TP53I11: variants seen among roughly 807,000 people sequenced by gnomAD.
The protein encoded by TP53I11 is tumor protein p53-inducible protein 11.
A neutral mutation model predicts 23.3 loss-of-function variants in TP53I11; 9 were observed. That is an observed-to-expected ratio of 0.39 (90% CI 0.23 to 0.67). TP53I11 has a LOEUF of 0.67. Among genes scored for constraint, TP53I11 ranks in the 30% least tolerant of loss-of-function variants. The pLI, the probability that TP53I11 is intolerant of heterozygous loss-of-function variation, is 0.48. For missense variants in TP53I11, 170 were observed against 255.2 expected (o/e 0.67, Z 2.27); for synonymous variants, 100 against 106.1 (o/e 0.94, Z 0.35).
In TP53I11 at chr11:44,936,457, A is replaced by T. The variant is rs1051678080; in HGVS notation, c.334+346T>A. On this transcript the variant is annotated intron_variant, in intron 5 of 6. Transcript: ENST00000525680. The surrounding 1 kb of genome is among the most constrained non-coding windows in gnomAD (Gnocchi z 4.4). Reference sequence around the variant, plus strand: ...AGGGGGGGTGCGAGGGGTTTTGCAGACACTGAATTGATCTGCCTCTCCTCT... The same window carrying T: ...AGGGGGGGTGCGAGGGGTTTTGCAGTCACTGAATTGATCTGCCTCTCCTCT... 2.7e-5 allele frequency: 33 copies of T among 1,234,064 alleles called. No individual in the cohort carries two copies. Among genetic ancestry groups the T allele is most frequent in the Non-Finnish European group, 3.1e-5 (31 of 989,824 alleles). The allele number at this position is 1,234,064 out of a possible 1,614,324, so 76.4% of individuals were successfully genotyped here.
At position 44,937,364 on chromosome 11, in the gene TP53I11, G is replaced by A; in HGVS notation, c.189-12C>T. 8 of 1,473,684 alleles carry A rather than the reference G, an allele frequency of 5.4e-6. No individual in the cohort carries two copies. Among genetic ancestry groups the A allele is most frequent in the Non-Finnish European group, 6.3e-6 (7 of 1,110,498 alleles). The allele number at this position is 1,473,684 out of a possible 1,614,324, so 91.3% of individuals were successfully genotyped here. A position where few individuals can be genotyped will look rare whatever the true frequency, so the allele number is the denominator to read the frequency against. Reference sequence around the variant, plus strand: ...CGAACTGCCAGACCCTGGGAGGCGTGGAAAGAAGATCACAGCCCTGCCCCA... The same window carrying A: ...CGAACTGCCAGACCCTGGGAGGCGTAGAAAGAAGATCACAGCCCTGCCCCA... On this transcript the variant is annotated splice_polypyrimidine_tract_variant and intron_variant, in intron 3 of 6. Coordinates refer to ENST00000525680, the MANE Select transcript of TP53I11 (RefSeq NM_006034.5).
intron 1 of TP53I11, among the ~76,000 whole-genome samples, chr11:44,942,179 AACAC>A (rs766008087): frequency 1.4e-4 from 13 of 91,982 alleles, no homozygotes; most frequent in Non-Finnish European, 2.0e-4. Flanking sequence ...GCACACACAA[AACAC>A]ACACACACCA....
intron 1 of TP53I11, among the ~76,000 whole-genome samples, chr11:44,949,433 G>A (rs1296499625): frequency 4.6e-5 from 7 of 152,170 alleles, no homozygotes; most frequent in African/African-American, 1.7e-4. Context: ...GCAGGGTAGT[G>A]GGGCGGTGAG....
chr11:44,940,718 G>A (rs1047126781), intron 1 of TP53I11: 1 of 152,156 alleles, frequency 6.6e-6, no homozygotes, highest in Admixed American at 6.5e-5. Context: ...ACAAACCCGC[G>A]TTTCTGTGGG....
chr11:44,940,220 C>T (rs1861617288), intron 1 of TP53I11, among the ~76,000 whole-genome samples: 1 of 152,260 alleles, frequency 6.6e-6, no homozygotes, highest in South Asian at 2.1e-4. Context: ...AGGATGTTGC[C>T]TGGCCCACGC....
chr11:44,942,240 C>CACACACACCCACACACT (rs1861913519), intron 1 of TP53I11, among the ~76,000 whole-genome samples: 1 of 119,946 alleles, frequency 8.3e-6, no homozygotes, highest in African/African-American at 3.1e-5. Flanking sequence ...TACCACACAC[C>CACACACACCCACACACT]ACACACACCC....
At chr11:44,939,007 C>G (rs1279480014) in intron 1 of TP53I11, 1 of 152,454 alleles carries the variant, frequency 6.6e-6, no homozygotes, top group Non-Finnish European at 1.5e-5. Context: ...TCCCGGCCAT[C>G]AGCCCCCCAC....
rs112430348 is a variant in TP53I11 at position 44,936,727 on chromosome 11, C to T, written c.334+76G>A. 3.3e-4 allele frequency: 463 copies of T among 1,390,192 alleles called. 2 individuals carry two copies. In the African/African-American group the frequency reaches 6.2e-3, roughly 19 times the overall value. 86.1% of individuals were successfully genotyped at this position (1,390,192 alleles called of 1,614,324 possible). A position where few individuals can be genotyped will look rare whatever the true frequency, so the allele number is the denominator to read the frequency against. ...AGGAAGGGGTGCCCGGGCACGGACC[C>T]CCGTGCTCTCCTCAGCCCCGCTGGG... On this transcript the variant is annotated intron_variant, in intron 5 of 6. Transcript: ENST00000525680. This position sits in a 1 kb window ranked among gnomAD's most constrained non-coding sequence, Gnocchi z 4.4.
chr11:44,942,763 G>A (rs1304164603), intron 1 of TP53I11, among the ~76,000 whole-genome samples: 10 of 152,104 alleles, frequency 6.6e-5, no homozygotes, highest in African/African-American at 1.4e-4. Context: ...CTCCAGGGAG[G>A]AGGGCCCCAC....
At position 44,935,558 on chromosome 11, in the gene TP53I11, C is replaced by T; in HGVS notation, c.436+3G>A. The T allele has an allele frequency of 6.2e-7, 1 of 1,613,974 alleles. No homozygotes were observed. The highest frequency in any genetic ancestry group is 8.5e-7 in the Non-Finnish European group (1 of 1,179,904). On this transcript the variant is annotated splice_donor_region_variant and intron_variant, in intron 6 of 6. Coordinates refer to ENST00000525680, the MANE Select transcript of TP53I11 (RefSeq NM_006034.5). ...CTCCCTCACTGCCCACCTCAGGACT[C>T]ACCCAAGAACTGGACCCCGAAATAG...
In TP53I11 at chr11:44,945,389, C is replaced by A. The variant is rs77369087; in HGVS notation, c.-32+5288G>T. ...GGCTCATGTGACTTATTCGAGTGTC[C>A]CTTGAGGTAAGTGGCAGAGCTGGAA... On this transcript the variant is annotated intron_variant, in intron 1 of 6. Coordinates refer to ENST00000525680, the MANE Select transcript of TP53I11 (RefSeq NM_006034.5). 7.7e-3 allele frequency among the ~76,000 whole-genome samples: 1,165 copies of A among 152,266 alleles called. 16 individuals carry two copies. The highest frequency in any genetic ancestry group is 0.027 in the African/African-American group (1,106 of 41,530).
chr11:44,937,241 G>C lies in TP53I11; in HGVS notation c.237+63C>G, dbSNP rs545826498. The C allele has an allele frequency of 3.4e-5, 52 of 1,526,524 alleles. No individual in the cohort carries two copies. In the East Asian group the frequency reaches 1.3e-3, roughly 37 times the overall value. 94.6% of individuals were successfully genotyped at this position (1,526,524 alleles called of 1,614,324 possible). A position where few individuals can be genotyped will look rare whatever the true frequency, so the allele number is the denominator to read the frequency against. ...AGGATGGAGGAGGCACCTCTGGTGA[G>C]CCAGAGAAGGGCTGAGGGAGCCACA... is the stretch of plus-strand genomic sequence containing the variant. On this transcript the variant is annotated intron_variant, in intron 4 of 6. Coordinates refer to ENST00000525680, the MANE Select transcript of TP53I11 (RefSeq NM_006034.5).
rs572650000 is a variant in TP53I11 at position 44,938,565 on chromosome 11, G to A, written c.-31-199C>T. The A allele has an allele frequency of 1.2e-5, 7 of 574,518 alleles. No homozygotes were observed. In the South Asian group the frequency reaches 1.4e-4, roughly 12 times the overall value. 35.6% of individuals were successfully genotyped at this position (574,518 alleles called of 1,614,324 possible). Reference sequence around the variant, plus strand: ...TGCTCTCCAGGCCCCTGAGGCTCTGGGAGCTGGTCTGCTGTAGGTGGACAC... The same window carrying A: ...TGCTCTCCAGGCCCCTGAGGCTCTGAGAGCTGGTCTGCTGTAGGTGGACAC... On this transcript the variant is annotated intron_variant, in intron 1 of 6. Transcript: ENST00000525680.
chr11:44,950,778 TGCAGGGCAGGGCAGGGCAGG>T lies in TP53I11; in HGVS notation c.-153_-134del, dbSNP rs1204368905. The T allele has an allele frequency of 7.1e-6, 1 of 140,254 alleles. No homozygotes were observed. Among genetic ancestry groups the T allele is most frequent in the Non-Finnish European group, 1.5e-5 (1 of 67,258 alleles). The allele number at this position is 140,254 out of a possible 1,614,324, so 8.7% of individuals were successfully genotyped here. ...GCGCCGCCCGTGCCGGGCCGGGCAG[TGCAGGGCAGGGCAGGGCAGG>T]GCAGGGCAGGACAGGGCAGGGCAGG... On this transcript the variant is annotated 5_prime_UTR_variant, in exon 1 of 7. Transcript: ENST00000525680.
chr11:44,947,643 T>C (rs1449084200), intron 1 of TP53I11, among the ~76,000 whole-genome samples: 4 of 152,176 alleles, frequency 2.6e-5, no homozygotes, highest in Non-Finnish European at 5.9e-5. Flanking sequence ...AGTCCAGGAC[T>C]GAGTGTCTCC....
chr11:44,933,836 C>A lies in TP53I11; in HGVS notation c.*1048G>T. 6.5e-6 allele frequency: 1 copy of A among 154,886 alleles called. No individual in the cohort carries two copies. The highest frequency in any genetic ancestry group is 2.0e-4 in the South Asian group (1 of 4,946). The allele number at this position is 154,886 out of a possible 1,614,324, so 9.6% of individuals were successfully genotyped here. A position where few individuals can be genotyped will look rare whatever the true frequency, so the allele number is the denominator to read the frequency against. ...CAGCCCGGGCTGCACGTGTGGGGGG[C>A]AGCTCACCGGGAAGCAGGCAGGAGT... On this transcript the variant is annotated 3_prime_UTR_variant, in exon 7 of 7. Coordinates refer to ENST00000525680, the MANE Select transcript of TP53I11 (RefSeq NM_006034.5).
rs201960226 is a variant in TP53I11, at chr11:44,937,548, T to C, written c.188+7A>G. 4 of 1,613,478 alleles carry C rather than the reference T, an allele frequency of 2.5e-6. No homozygotes were observed. In the African/African-American group the frequency reaches 4.0e-5, roughly 16 times the overall value. ...CCCCTCCCCCAAAAAGTCAGGTAAA[T>C]GCTCACCTGAGCCCCAAAGGCTCCC... On this transcript the variant is annotated splice_region_variant and intron_variant, in intron 3 of 6. Coordinates refer to ENST00000525680, the MANE Select transcript of TP53I11 (RefSeq NM_006034.5).
chr11:44,936,000 CTG>C (rs1861069612), intron 5 of TP53I11: 1 of 407,044 alleles, frequency 2.5e-6, no homozygotes, highest in Admixed American at 4.1e-5. Context: ...CAGGAGGATG[CTG>C]TGTTCATGGA....
At chr11:44,935,694 T>TGGGGGGG in intron 5 of TP53I11, 32 bp from the exon 6 acceptor site, 2 of 675,752 alleles carry the variant, frequency 3.0e-6, no homozygotes, top group South Asian at 1.5e-5. Flanking sequence ...GGGCTGGGGG[T>TGGGGGGG]GGGACAGCTG....
Sources: gnomAD v4.1 joint callset for allele counts (sites outside exome capture counted in the v4.1 genomes callset) on GRCh38, gnomAD v4.1.1 for gene constraint, Gnocchi (gnomAD v3.1) non-coding constraint, MANE v1.5 for transcripts, NCBI Gene and HGNC (gene_info 2026-07-23, HGNC 2026-07-21) for gene names.